The following OSBPL10 variants were observed in gnomAD, a reference collection of about 807,000 sequenced individuals.
The protein encoded by OSBPL10 is oxysterol-binding protein-related protein 10.
Under a neutral mutation model 81.7 loss-of-function variants are expected in OSBPL10, and 49 were observed. That is an observed-to-expected ratio of 0.60 (90% CI 0.48 to 0.76). The LOEUF is 0.76. Ranked by LOEUF, OSBPL10 falls within the 30% of genes least tolerant of loss-of-function variation. The pLI is 0.00. For missense variants in OSBPL10, 923 were observed against 987.8 expected (o/e 0.93, Z 0.88); for synonymous variants, 419 against 383.6 (o/e 1.09, Z -1.08).
intron 1 of OSBPL10, among the ~76,000 whole-genome samples, chr3:32,073,781 T>C (rs1699852755): frequency 6.6e-6 from 1 of 152,098 alleles, no homozygotes; most frequent in Non-Finnish European, 1.5e-5. Context: ...CGGTTTACAT[T>C]GTTTCTCCAA....
intron 4 of OSBPL10, among the ~76,000 whole-genome samples, chr3:31,755,568 G>A (rs763365738): frequency 3.9e-5 from 6 of 152,224 alleles, no homozygotes; most frequent in Non-Finnish European, 8.8e-5. Context: ...CTTAAGCCAT[G>A]ATCCCAGGTT....
chr3:31,925,308 G>A (rs1486674561), intron 1 of OSBPL10, among the ~76,000 whole-genome samples: 2 of 151,046 alleles, frequency 1.3e-5, no homozygotes, highest in East Asian at 1.9e-4. Context: ...GACCCTCCAC[G>A]ACCCTCCACA....
intron 2 of OSBPL10, among the ~76,000 whole-genome samples, chr3:31,999,424 A>C (rs1177079345): frequency 6.7e-6 from 1 of 148,402 alleles, no homozygotes; most frequent in African/African-American, 2.5e-5. Flanking sequence ...ACAATGGCAC[A>C]ATCTCGGCTC....
At chr3:31,682,782 G>A (rs956325760) in intron 8 of OSBPL10, among the ~76,000 whole-genome samples, 1 of 152,030 alleles carries the variant, frequency 6.6e-6, no homozygotes, top group Non-Finnish European at 1.5e-5. Context: ...ATCTTTTTTG[G>A]TCTGTTTTGT....
intron 7 of OSBPL10, among the ~76,000 whole-genome samples, chr3:31,701,481 G>A (rs990738166): frequency 2.0e-5 from 3 of 152,168 alleles, no homozygotes; most frequent in African/African-American, 7.2e-5. Flanking sequence ...GCACTTGCTA[G>A]GAGCTCAGCA....
chr3:31,934,369 A>G (rs550229155), intron 1 of OSBPL10, among the ~76,000 whole-genome samples: 2 of 152,086 alleles, frequency 1.3e-5, no homozygotes, highest in East Asian at 1.9e-4. Context: ...CCAAAATTTT[A>G]AACCCAAATT....
At chr3:31,761,011 A>G (rs1407624342) in intron 4 of OSBPL10, among the ~76,000 whole-genome samples, 1 of 152,176 alleles carries the variant, frequency 6.6e-6, no homozygotes, top group Non-Finnish European at 1.5e-5. Flanking sequence ...CACAACTAAA[A>G]AAAATTGTAA....
At chr3:31,900,894 G>A (rs895140182) in intron 1 of OSBPL10, among the ~76,000 whole-genome samples, 3 of 152,156 alleles carry the variant, frequency 2.0e-5, no homozygotes, top group African/African-American at 7.2e-5. Context: ...GTTGGTTTCA[G>A]ATAGTCTTCA....
intron 4 of OSBPL10, among the ~76,000 whole-genome samples, chr3:31,804,255 C>G (rs566741835): frequency 1.6e-4 from 25 of 152,172 alleles, no homozygotes; most frequent in South Asian, 1.2e-3. Flanking sequence ...TTATGTTATT[C>G]TAAGGGTTGA....
At chr3:32,072,596 A>G (rs942392412) in intron 1 of OSBPL10, among the ~76,000 whole-genome samples, 5 of 152,130 alleles carry the variant, frequency 3.3e-5, no homozygotes, top group Non-Finnish European at 1.5e-5. Flanking sequence ...TTTCCTTTCC[A>G]TCGTGAAAAT....
intron 8 of OSBPL10, among the ~76,000 whole-genome samples, chr3:31,672,441 G>C (rs1245991891): frequency 4.0e-5 from 6 of 148,506 alleles, no homozygotes; most frequent in Admixed American, 3.4e-4. Flanking sequence ...AGAGAAGGAA[G>C]GGGGGTGGGA....
At chr3:32,059,271 G>C (rs1205249057) in intron 1 of OSBPL10, among the ~76,000 whole-genome samples, 1 of 151,808 alleles carries the variant, frequency 6.6e-6, no homozygotes, top group Admixed American at 6.6e-5. Context: ...ACTCCAGCCT[G>C]GCAACAGAGC....
Position 32,010,882 on chromosome 3 carries a change from C to T in OSBPL10, n.298+35609G>A, listed in dbSNP as rs552076671. 5.3e-5 allele frequency among the ~76,000 whole-genome samples: 8 copies of T among 152,258 alleles called. No individual in the cohort carries two copies. The South Asian group carries it at 6.2e-4, about 12-fold the overall frequency. On this transcript the variant is annotated intron_variant and non_coding_transcript_variant, in intron 2 of 3. Coordinates refer to the OSBPL10 transcript ENST00000479173. Reference sequence around the variant, plus strand: ...CTGAGACCAAACTGCAAGGTGGCAGCGAGGCTGGAGGAGGGGCGCCCCCCA... The same window carrying T: ...CTGAGACCAAACTGCAAGGTGGCAGTGAGGCTGGAGGAGGGGCGCCCCCCA...
At chr3:31,794,528 T>C (rs1182324912) in intron 4 of OSBPL10, 4 of 328,608 alleles carry the variant, frequency 1.2e-5, no homozygotes, top group African/African-American at 2.2e-5. Context: ...CTTGCAGACA[T>C]GGCTGTGAAC....
intron 6 of OSBPL10, among the ~76,000 whole-genome samples, chr3:31,723,987 G>A (rs1429050109): frequency 6.6e-6 from 1 of 152,188 alleles, no homozygotes; most frequent in African/African-American, 2.4e-5. Flanking sequence ...AAGCAAGGGA[G>A]CTGTGAAATT....
intron 4 of OSBPL10, among the ~76,000 whole-genome samples, chr3:31,793,364 C>G (rs1575548097): frequency 6.6e-6 from 1 of 152,128 alleles, no homozygotes; most frequent in South Asian, 2.1e-4. Flanking sequence ...GTATGACCTC[C>G]TAGCATAAAT....
intron 5 of OSBPL10, among the ~76,000 whole-genome samples, chr3:31,740,787 AG>A (rs1477642300): frequency 6.8e-6 from 1 of 146,580 alleles, no homozygotes; most frequent in East Asian, 1.9e-4. Flanking sequence ...CTCAAAAAAA[AG>A]AAAAAAAGAA....
intron 6 of OSBPL10, chr3:31,710,694 G>C (rs890423778): frequency 2.6e-5 from 4 of 152,240 alleles, no homozygotes; most frequent in Admixed American, 2.0e-4. Context: ...CTGTGGTTTG[G>C]AGGTGACAGG....
chr3:31,783,132 T>TAC (rs1243743868), intron 4 of OSBPL10, among the ~76,000 whole-genome samples: 26 of 132,992 alleles, frequency 2.0e-4, no homozygotes, highest in African/African-American at 7.8e-4. Flanking sequence ...TATATATATA[T>TAC]ATATATATAT....
Sources: allele counts gnomAD v4.1 joint callset (sites outside exome capture counted in the v4.1 genomes callset), GRCh38; gene constraint gnomAD v4.1.1; transcripts MANE v1.5; gene names NCBI Gene and HGNC (gene_info 2026-07-23, HGNC 2026-07-21).